The following FSD1 variants were observed in gnomAD, a reference collection of about 807,000 sequenced individuals.
FSD1 encodes the protein fibronectin type III and SPRY domain containing 1.
In FSD1, 23 loss-of-function variants were observed where a neutral mutation model predicts 58.2. The ratio of observed to expected loss-of-function variants is 0.40; its 90% confidence interval spans 0.28 to 0.56. The LOEUF (loss-of-function observed/expected upper bound fraction) is 0.56. FSD1 is among the 20% of genes least tolerant of loss of function. The pLI is 0.54. For synonymous variants in FSD1, 265 were observed against 263.4 expected (o/e 1.01, Z -0.06); for missense variants, 563 against 670.8 (o/e 0.84, Z 1.78).
At chr19:4,320,703 G>A (rs969639927) in intron 10 of FSD1, among the ~76,000 whole-genome samples, 1 of 152,078 alleles carries the variant, frequency 6.6e-6, no homozygotes, top group Non-Finnish European at 1.5e-5. Context: ...GGAGCATCTG[G>A]AGGGAATAGC....
intron 1 of FSD1, among the ~76,000 whole-genome samples, chr19:4,305,665 T>C (rs1242451047): frequency 6.6e-6 from 1 of 152,188 alleles, no homozygotes; most frequent in Non-Finnish European, 1.5e-5. Flanking sequence ...CCCGGAGCTT[T>C]ACCTCCTGGC....
intron 7 of FSD1, among the ~76,000 whole-genome samples, chr19:4,313,004 C>T (rs893755701): frequency 4.0e-5 from 6 of 151,606 alleles, no homozygotes; most frequent in African/African-American, 7.3e-5. Flanking sequence ...CTAGAGCTGG[C>T]GTTCTGGATT....
At chr19:4,312,095 C>A in intron 7 of FSD1, 44 bp downstream of exon 7, 1 of 1,478,068 alleles carries the variant, frequency 6.8e-7, no homozygotes, top group Non-Finnish European at 9.2e-7. Context: ...TGAACAGCCA[C>A]CTCTTCCAGC....
At chr19:4,306,461 G>A in intron 3 of FSD1, 132 bp downstream of exon 3, 1 of 781,110 alleles carries the variant, frequency 1.3e-6, no homozygotes, top group Non-Finnish European at 2.0e-6. Context: ...CCATCCACCT[G>A]TACACTCTCT....
intron 9 of FSD1, 28 bp from the exon 10 acceptor site, chr19:4,318,844 G>A: frequency 1.3e-6 from 2 of 1,590,964 alleles, no homozygotes; most frequent in Non-Finnish European, 1.7e-6. Context: ...TGAGCCTCCT[G>A]AGCCTGCCCA....
intron 10 of FSD1, among the ~76,000 whole-genome samples, chr19:4,319,745 G>A (rs1350913014): frequency 1.3e-5 from 2 of 151,938 alleles, no homozygotes; most frequent in Non-Finnish European, 2.9e-5. Context: ...GAGAGAGAGA[G>A]AGATCATCCT....
Position 4,310,535 on chromosome 19 carries a change from T to A in FSD1, c.429T>A (p.Ser143Arg). ...AAGCGAAGGTCAGTGACAACATGAG[T>A]CACCTCATGGTGGACTTCGCGCAAG... ...SLKAKVSDNM[S>R]HLMVDFAQER... The change falls in exon 6 of 13, where the codon AGT (serine) becomes AGA (arginine). Residue 143 changes from serine to arginine, a missense_variant. By Grantham distance (110) the Ser-to-Arg change is moderately radical (BLOSUM62 -1). Coordinates refer to ENST00000221856, the MANE Select transcript of FSD1 (RefSeq NM_024333.3). 6.2e-7 allele frequency: 1 copy of A among 1,613,784 alleles called. No homozygotes were observed. The highest frequency in any genetic ancestry group is 8.5e-7 in the Non-Finnish European group (1 of 1,179,834).
intron 9 of FSD1, 132 bp downstream of exon 9, chr19:4,318,637 G>A: frequency 1.1e-6 from 1 of 870,274 alleles, no homozygotes; most frequent in Non-Finnish European, 1.8e-6. Context: ...AGGGAATGAA[G>A]GGAGAGGAGG....
intron 7 of FSD1, 83 bp from the exon 8 acceptor site, chr19:4,317,099 C>A: frequency 1.2e-6 from 1 of 819,514 alleles, no homozygotes; most frequent in Non-Finnish European, 2.1e-6. Context: ...TTGGGAATCA[C>A]TGTGGGACAT....
In FSD1 at chr19:4,305,902, A is replaced by C. The variant is rs370908241; in HGVS notation, c.16-44A>C. The C allele has an allele frequency of 2.0e-5, 29 of 1,427,206 alleles. No individual in the cohort carries two copies. The African/African-American group carries it at 3.8e-4, about 19-fold the overall frequency. The allele number at this position is 1,427,206 out of a possible 1,614,324, so 88.4% of individuals were successfully genotyped here. A position where few individuals can be genotyped will look rare whatever the true frequency, so the allele number is the denominator to read the frequency against. Reference sequence around the variant, plus strand: ...CACGTGTGTGTACCTGTGTGCGCACATGTGTGTGTGCACCTGTGTGTGTCC... The same window carrying C: ...CACGTGTGTGTACCTGTGTGCGCACCTGTGTGTGTGCACCTGTGTGTGTCC... On this transcript the variant is annotated intron_variant, in intron 1 of 12. Coordinates refer to ENST00000221856, the MANE Select transcript of FSD1 (RefSeq NM_024333.3).
chr19:4,305,142 AAGG>A (rs1184810023), intron 1 of FSD1, among the ~76,000 whole-genome samples: 1 of 145,504 alleles, frequency 6.9e-6, no homozygotes, highest in Non-Finnish European at 1.5e-5. Context: ...CCCCAGGAAA[AAGG>A]AGCAGGTTGG....
At chr19:4,307,115 C>T (rs926439366) in intron 3 of FSD1, among the ~76,000 whole-genome samples, 7 of 152,138 alleles carry the variant, frequency 4.6e-5, no homozygotes, top group African/African-American at 7.2e-5. Context: ...AGTCCAGTGG[C>T]GCAATCATGC....
intron 9 of FSD1, among the ~76,000 whole-genome samples, 178 bp downstream of exon 9, chr19:4,318,683 C>T (rs982207152): frequency 2.6e-5 from 4 of 152,058 alleles, no homozygotes; most frequent in Non-Finnish European, 4.4e-5. Flanking sequence ...ATAGGAGTTT[C>T]CCAGATGACG....
At chr19:4,310,968 C>G (rs979795707) in intron 6 of FSD1, 1 of 189,138 alleles carries the variant, frequency 5.3e-6, no homozygotes, top group Non-Finnish European at 1.1e-5. Context: ...GGGGTGGAGC[C>G]CTGAGAATAG....
At position 4,310,614 on chromosome 19, in the gene FSD1, T is replaced by C; in HGVS notation, c.490+18T>C. 1 of 1,608,546 alleles carries C rather than the reference T, an allele frequency of 6.2e-7. No individual in the cohort carries two copies. The highest frequency in any genetic ancestry group is 8.5e-7 in the Non-Finnish European group (1 of 1,178,388). Reference sequence around the variant, plus strand: ...CCTGCCTGGTGAGAGGGGCACGCACTAGAGGGCCAGGACTTCCGGGGAATG... The same window carrying C: ...CCTGCCTGGTGAGAGGGGCACGCACCAGAGGGCCAGGACTTCCGGGGAATG... On this transcript the variant is annotated intron_variant, in intron 6 of 12. Transcript: ENST00000221856.
At chr19:4,304,942 C>A (rs1233882190) in intron 1 of FSD1, among the ~76,000 whole-genome samples, 181 bp downstream of exon 1, 1 of 136,546 alleles carries the variant, frequency 7.3e-6, no homozygotes, top group Non-Finnish European at 1.6e-5. Context: ...GGGACGCAGC[C>A]CCCCCACATC....
In FSD1 at chr19:4,318,846, G is replaced by GA. The variant is rs1220773729; in HGVS notation, c.960-26_960-25insA. ...AGAAGTGTTGAACTGAGCCTCCTGAGCCTGCCCACTCCCTGCCCACCACAG... is the reference window on the plus strand; with the variant it reads ...AGAAGTGTTGAACTGAGCCTCCTGAGACCTGCCCACTCCCTGCCCACCACAG... On this transcript the variant is annotated intron_variant, in intron 9 of 12. Transcript: ENST00000221856. The GA allele has an allele frequency of 6.3e-6, 10 of 1,596,296 alleles. No homozygotes were observed. The South Asian group carries it at 9.9e-5, about 16-fold the overall frequency.
In FSD1 at chr19:4,308,917, T is replaced by C. The variant is rs144718172; in HGVS notation, c.345+934T>C. Among the ~76,000 whole-genome samples, 40 of 130,122 alleles carry C rather than the reference T, an allele frequency of 3.1e-4. No homozygotes were observed. In the East Asian group the frequency reaches 9.0e-3, roughly 29 times the overall value. 85.4% of individuals were successfully genotyped at this position (130,122 alleles called of 152,430 possible). A position where few individuals can be genotyped will look rare whatever the true frequency, so the allele number is the denominator to read the frequency against. ...GGTGAAACCCCGTCTCTACTAAATA[T>C]ACAAAAAGTTAGCCGGGCATGGTGG... is the stretch of plus-strand genomic sequence containing the variant. On this transcript the variant is annotated intron_variant, in intron 4 of 12. Coordinates refer to ENST00000221856, the MANE Select transcript of FSD1 (RefSeq NM_024333.3).
Position 4,304,695 on chromosome 19 carries a change from C to T in FSD1, c.-52C>T, listed in dbSNP as rs1028007211. On this transcript the variant is annotated 5_prime_UTR_variant, in exon 1 of 13. Transcript: ENST00000221856. ...GGCCGCGGCAAAGGCAGCTTGGGGACCCAGCGTGCGCGGGGCCCGCGGGCC... is the reference window on the plus strand; with the variant it reads ...GGCCGCGGCAAAGGCAGCTTGGGGATCCAGCGTGCGCGGGGCCCGCGGGCC... 120 of 1,197,560 alleles carry T rather than the reference C, an allele frequency of 1.0e-4. No individual in the cohort carries two copies. Among genetic ancestry groups the T allele is most frequent in the Non-Finnish European group, 1.2e-4 (117 of 957,252 alleles). 74.2% of individuals were successfully genotyped at this position (1,197,560 alleles called of 1,614,324 possible).
Sources: allele counts gnomAD v4.1 joint callset (sites outside exome capture counted in the v4.1 genomes callset), GRCh38; gene constraint gnomAD v4.1.1; transcripts MANE v1.5; gene names NCBI Gene and HGNC (gene_info 2026-07-23, HGNC 2026-07-21).